ARF5: variants seen among roughly 807,000 people sequenced by gnomAD.
ARF5 encodes the protein ADP-ribosylation factor 5.
Under a neutral mutation model 24.8 loss-of-function variants are expected in ARF5, and 10 were observed. The ratio of observed to expected loss-of-function variants is 0.40; its 90% CI spans 0.25 to 0.68. The LOEUF (loss-of-function observed/expected upper bound fraction) is 0.68. Among genes scored for constraint, ARF5 ranks in the 30% least tolerant of loss-of-function variants. ARF5 has a pLI of 0.36. For missense variants in ARF5, 135 were observed against 239.2 expected (o/e 0.56, Z 2.87); for synonymous variants, 102 against 95.1 (o/e 1.07, Z -0.42).
In ARF5 at chr7:127,590,007, C is replaced by T. The variant is rs1794260067; in HGVS notation, c.259-59C>T. 2.1e-6 allele frequency: 3 copies of T among 1,447,830 alleles called. No individual in the cohort carries two copies. The South Asian group carries it at 3.4e-5, about 17-fold the overall frequency. 89.7% of individuals were successfully genotyped at this position (1,447,830 alleles called of 1,614,324 possible). A position where few individuals can be genotyped will look rare whatever the true frequency, so the allele number is the denominator to read the frequency against. On this transcript the variant is annotated intron_variant, in intron 3 of 5. Transcript: ENST00000000233. ...TGGGAAGAAAACAGAAAGGGCCACA[C>T]TACGGTATGTCCCAGGCAGAAGTGA...
At position 127,590,053 on chromosome 7, in the gene ARF5, C is replaced by A; in HGVS notation, c.259-13C>A. On this transcript the variant is annotated splice_polypyrimidine_tract_variant and intron_variant, in intron 3 of 5. Transcript: ENST00000000233. ...AGTGATTGCTTCTCCTTTCTTCCTT[C>A]CTTCCTGCCCAGGGCCTCATCTTTG... is the stretch of plus-strand genomic sequence containing the variant. 1 of 1,613,304 alleles carries A rather than the reference C, an allele frequency of 6.2e-7. No homozygotes were observed. Among genetic ancestry groups the A allele is most frequent in the Non-Finnish European group, 8.5e-7 (1 of 1,179,340 alleles).
Position 127,591,460 on chromosome 7 carries a change from G to C in ARF5, c.*161G>C. The C allele has an allele frequency of 1.6e-6, 1 of 619,454 alleles. No homozygotes were observed. The highest frequency in any genetic ancestry group is 2.7e-6 in the Non-Finnish European group (1 of 375,914). The allele number at this position is 619,454 out of a possible 1,614,324, so 38.4% of individuals were successfully genotyped here. On this transcript the variant is annotated 3_prime_UTR_variant, in exon 6 of 6. Coordinates refer to ENST00000000233, the MANE Select transcript of ARF5 (RefSeq NM_001662.4). ...CTGCCTGCATGTTCTCTCTGTTGTT[G>C]GAGCCTGGAGCCTTGCTCTCTGGGC... is the stretch of plus-strand genomic sequence containing the variant.
intron 1 of ARF5, 32 bp downstream of exon 1, chr7:127,588,597 G>A: frequency 7.5e-7 from 1 of 1,328,444 alleles, no homozygotes; most frequent in Non-Finnish European, 9.7e-7. Flanking sequence ...GCCCGGACCG[G>A]GGCGCCGGCC....
rs1034483799 is a variant in ARF5 at position 127,588,432 on chromosome 7, C to A, written c.-67C>A. 1.9e-6 allele frequency: 2 copies of A among 1,065,308 alleles called. No homozygotes were observed. Among genetic ancestry groups the A allele is most frequent in the Non-Finnish European group, 2.4e-6 (2 of 817,968 alleles). The allele number at this position is 1,065,308 out of a possible 1,614,324, so 66.0% of individuals were successfully genotyped here. On this transcript the variant is annotated 5_prime_UTR_variant, in exon 1 of 6. Transcript: ENST00000000233. ...CCTCCTGCTGCTGCTGCGCCCCATC[C>A]CCCCGCGGCCGGCCAGTTCCAGCCC...
In ARF5 at chr7:127,591,403, TC is replaced by T. The variant is rs1794286661; in HGVS notation, c.*109del. ...CAGTGCCCTTTCCTCCCACTTTTCC[TC>T]CCCCATAGCCACAGGCCTCTGCTCC... On this transcript the variant is annotated 3_prime_UTR_variant, in exon 6 of 6. Coordinates refer to ENST00000000233, the MANE Select transcript of ARF5 (RefSeq NM_001662.4). The T allele has an allele frequency of 9.9e-7, 1 of 1,007,890 alleles. No individual in the cohort carries two copies. 62.4% of individuals were successfully genotyped at this position (1,007,890 alleles called of 1,614,324 possible). A position where few individuals can be genotyped will look rare whatever the true frequency, so the allele number is the denominator to read the frequency against.
At chr7:127,588,632 G>T in intron 1 of ARF5, 67 bp downstream of exon 1, 1 of 1,272,042 alleles carries the variant, frequency 7.9e-7, no homozygotes, top group Non-Finnish European at 1.0e-6. Context: ...CCGCCCCCGC[G>T]TCCCTCCAGC....
intron 3 of ARF5, 173 bp downstream of exon 3, chr7:127,589,767 C>A: frequency 1.6e-6 from 1 of 617,926 alleles, no homozygotes; most frequent in Non-Finnish European, 2.8e-6. Context: ...TTAGTCTTCC[C>A]CAGCTTGGAC....
intron 1 of ARF5, 79 bp downstream of exon 1, chr7:127,588,644 C>A: frequency 8.0e-7 from 1 of 1,242,360 alleles, no homozygotes. Context: ...CCCTCCAGCC[C>A]CGCTCACCTG....
intron 2 of ARF5, 27 bp downstream of exon 2, chr7:127,589,190 G>T (rs757834452): frequency 2.5e-6 from 4 of 1,613,166 alleles, no homozygotes; most frequent in Non-Finnish European, 1.7e-6. Flanking sequence ...AGCAGGGAGC[G>T]GGAGCGCCGC....
At chr7:127,589,250 GA>G (rs1188489555) in intron 2 of ARF5, 87 bp downstream of exon 2, 1 of 1,447,120 alleles carries the variant, frequency 6.9e-7, no homozygotes, top group African/African-American at 1.4e-5. Flanking sequence ...TTCTGGAGCT[GA>G]CCCTGACACC....
intron 2 of ARF5, 108 bp downstream of exon 2, chr7:127,589,271 T>C (rs1209956722): frequency 5.2e-6 from 7 of 1,345,412 alleles, no homozygotes; most frequent in African/African-American, 1.4e-5. Flanking sequence ...CAGATACAGC[T>C]ATTTGAGAAG....
Position 127,591,084 on chromosome 7 carries a change from G to A in ARF5, c.452G>A (p.Arg151His), listed in dbSNP as rs756706436. 5.0e-6 allele frequency: 8 copies of A among 1,613,742 alleles called. No homozygotes were observed. Among genetic ancestry groups the A allele is most frequent in the East Asian group, 2.2e-5 (1 of 44,854 alleles). Residue 151 changes from arginine (R) to histidine (H), a missense_variant, in exon 5 of 6, where the codon CGC becomes CAC. This residue lies in a region of ARF5 where 102 missense variants were observed against 160.9 expected (regional missense o/e 0.63). Coordinates refer to ENST00000000233, the MANE Select transcript of ARF5 (RefSeq NM_001662.4). ...CTGGGGCTACAGCACTTACGCAGCC[G>A]CACGGTAGGGGTCCTGCCCACCTGG... ...DKLGLQHLRS[R>H]TWYVQATCAT... is the part of the protein sequence containing the mutation.
chr7:127,588,503 G>T lies in ARF5; in HGVS notation c.5G>T (p.Gly2Val), dbSNP rs866219932. The T allele has an allele frequency of 1.4e-6, 2 of 1,469,970 alleles. No homozygotes were observed. The highest frequency in any genetic ancestry group is 1.8e-6 in the Non-Finnish European group (2 of 1,101,666). 91.1% of individuals were successfully genotyped at this position (1,469,970 alleles called of 1,614,324 possible). A position where few individuals can be genotyped will look rare whatever the true frequency, so the allele number is the denominator to read the frequency against. ...CGCCCCTCCCCGGGCCCCGCCATGGGCCTCACCGTGTCCGCGCTCTTTTCG... is the reference window on the plus strand; with the variant it reads ...CGCCCCTCCCCGGGCCCCGCCATGGTCCTCACCGTGTCCGCGCTCTTTTCG... Reference protein sequence around the residue: MGLTVSALFSRI... With the variant: MVLTVSALFSRI... The change falls in exon 1 of 6, where the codon GGC becomes GTC. Residue 2 changes from glycine (G) to valine (V), a missense_variant. By Grantham distance (109) the Gly-to-Val change is moderately radical. Around this residue, in one of 3 missense-constraint regions of ARF5, gnomAD observed 25 missense variants for 30.6 expected, o/e 0.82. Coordinates refer to ENST00000000233, the MANE Select transcript of ARF5 (RefSeq NM_001662.4).
intron 1 of ARF5, 93 bp from the exon 2 acceptor site, chr7:127,588,988 CCA>C: frequency 7.0e-7 from 1 of 1,423,140 alleles, no homozygotes; most frequent in Admixed American, 1.7e-5. Context: ...GCTCTCCGCC[CCA>C]GTCACCATCA....
At chr7:127,590,563 C>T (rs55889918) in intron 4 of ARF5, among the ~76,000 whole-genome samples, 12,567 of 152,198 alleles carry the variant, frequency 0.083, 888 homozygotes, top group African/African-American at 0.19. Flanking sequence ...GAACCCCCAA[C>T]CTCAGGTGAT....
At chr7:127,589,777 C>G (rs1323574185) in intron 3 of ARF5, 183 bp downstream of exon 3, 2 of 615,458 alleles carry the variant, frequency 3.2e-6, no homozygotes, top group Non-Finnish European at 5.7e-6. Context: ...CCAGCTTGGA[C>G]TTCTCTTTAG....
chr7:127,590,997 T>A lies in ARF5; in HGVS notation c.365T>A (p.Leu122Gln). 1 of 1,614,034 alleles carries A rather than the reference T, an allele frequency of 6.2e-7. No homozygotes were observed. Among genetic ancestry groups the A allele is most frequent in the Non-Finnish European group, 8.5e-7 (1 of 1,179,982 alleles). The part of the protein sequence containing the change: ...QEDELRDAVL[L>Q]VFANKQDMPN... ...GACGAGCTGCGGGATGCAGTGCTGC[T>A]GGTATTTGCCAACAAGCAGGACATG... The change falls in exon 5 of 6, where the codon CTG (leucine) becomes CAG (glutamine). Residue 122 changes from leucine (L) to glutamine (Q), a missense_variant. Coordinates refer to ENST00000000233, the MANE Select transcript of ARF5 (RefSeq NM_001662.4).
At chr7:127,588,661 T>A (rs1794239943) in intron 1 of ARF5, 96 bp downstream of exon 1, 2 of 1,148,338 alleles carry the variant, frequency 1.7e-6, no homozygotes. Context: ...CCTGGGTCTC[T>A]GGCCCCGAGT....
Position 127,590,232 on chromosome 7 carries a change from G to A in ARF5, c.330+95G>A, listed in dbSNP as rs551498750. ...AGTCAGGGAGCCCCCAACAGGCATT[G>A]AAGACCAGGAATATAAGTTTTTCTT... On this transcript the variant is annotated intron_variant, in intron 4 of 5. Coordinates refer to ENST00000000233, the MANE Select transcript of ARF5 (RefSeq NM_001662.4). The A allele has an allele frequency of 6.2e-6, 6 of 966,636 alleles. No homozygotes were observed. In the South Asian group the frequency reaches 6.6e-5, roughly 11 times the overall value. The allele number at this position is 966,636 out of a possible 1,614,324, so 59.9% of individuals were successfully genotyped here.
Sources: allele counts gnomAD v4.1 joint callset (sites outside exome capture counted in the v4.1 genomes callset), GRCh38; gene constraint gnomAD v4.1.1; regional missense constraint gnomAD v4.1.1; transcripts MANE v1.5; gene names NCBI Gene and HGNC (gene_info 2026-07-23, HGNC 2026-07-21).